Variants in ATP9B observed in about 807,000 individuals in gnomAD.
ATP9B encodes ATPase phospholipid transporting 9B, also known as probable phospholipid-transporting ATPase IIB.
Under a neutral mutation model 146.1 loss-of-function variants are expected in ATP9B, and 110 were observed. The ratio of observed to expected loss-of-function variants is 0.75; its 90% CI spans 0.65 to 0.88. The LOEUF is 0.88. Ranked by LOEUF, ATP9B falls within the 40% of genes least tolerant of loss-of-function variation. The probability of loss-of-function intolerance (pLI) is 0.00; values close to 1 mark genes in which losing one functional copy is unlikely to be tolerated. For missense variants in ATP9B, 1,499 were observed against 1,496.4 expected (o/e 1.00, Z -0.03); for synonymous variants, 604 against 569.7 (o/e 1.06, Z -0.86).
At chr18:79,085,811 C>G (rs1046104442) in intron 1 of ATP9B, 1 of 152,104 alleles carries the variant, frequency 6.6e-6, no homozygotes, top group African/African-American at 2.4e-5. Flanking sequence ...CTGAAAGATA[C>G]TAATGTTAAG....
At chr18:79,203,534 T>C (rs1331196244) in intron 9 of ATP9B, among the ~76,000 whole-genome samples, 2 of 152,196 alleles carry the variant, frequency 1.3e-5, no homozygotes, top group Non-Finnish European at 2.9e-5. Context: ...AAAAAGAATT[T>C]CATGAGTGTT....
intron 12 of ATP9B, among the ~76,000 whole-genome samples, chr18:79,257,058 C>T (rs1056435503): frequency 1.3e-5 from 2 of 152,098 alleles, no homozygotes; most frequent in Admixed American, 6.5e-5. Context: ...CTAGTACTTT[C>T]GGAGGCTGAG....
intron 11 of ATP9B, among the ~76,000 whole-genome samples, chr18:79,243,830 A>T (rs941347663): frequency 2.0e-5 from 3 of 152,202 alleles, no homozygotes; most frequent in Admixed American, 6.5e-5. Context: ...CTCACATAAA[A>T]ATGTTTTTCA....
intron 1 of ATP9B, among the ~76,000 whole-genome samples, chr18:79,089,593 A>G (rs1225890087): frequency 6.6e-6 from 1 of 151,790 alleles, no homozygotes; most frequent in East Asian, 1.9e-4. Flanking sequence ...CCTCTCCCTC[A>G]CTTCCAGTCT....
chr18:79,336,643 C>A lies in ATP9B; in HGVS notation c.2044C>A (p.Arg682Ser), dbSNP rs202230287. Residue 682 changes from arginine to serine, a missense_variant, in exon 18 of 30, where the codon CGC becomes AGC. Physicochemically the swap from Arg to Ser is moderately radical, Grantham distance 110. Coordinates refer to ENST00000426216, the MANE Select transcript of ATP9B (RefSeq NM_198531.5). ...WLEEECGNMA[R>S]EGLRTLVVAK... ...CCTTTTCCAGTGCGGAAACATGGCTCGCGAAGGACTGCGGACCCTCGTGGT... is the reference window on the plus strand; with the variant it reads ...CCTTTTCCAGTGCGGAAACATGGCTAGCGAAGGACTGCGGACCCTCGTGGT... 3.1e-6 allele frequency: 5 copies of A among 1,611,570 alleles called. No homozygotes were observed. Among genetic ancestry groups the A allele is most frequent in the Non-Finnish European group, 4.2e-6 (5 of 1,179,028 alleles).
chr18:79,341,831 G>A (rs945220534), intron 19 of ATP9B, among the ~76,000 whole-genome samples: 19 of 152,178 alleles, frequency 1.2e-4, no homozygotes, highest in Admixed American at 4.6e-4. Flanking sequence ...TGAAGTTTGC[G>A]TTGCCGATTC....
intron 13 of ATP9B, 78 bp downstream of exon 13, chr18:79,277,274 T>G: frequency 6.5e-7 from 1 of 1,536,494 alleles, no homozygotes; most frequent in South Asian, 1.1e-5. Context: ...TATAGATATA[T>G]GTTTATGTGT....
chr18:79,282,092 G>A (rs1266753883), intron 13 of ATP9B, among the ~76,000 whole-genome samples: 1 of 152,208 alleles, frequency 6.6e-6, no homozygotes, highest in African/African-American at 2.4e-5. Flanking sequence ...TAGGAGTGGA[G>A]CCTGAAGATG....
chr18:79,231,803 T>TATATATATATATATATACACACAC (rs569726473), intron 11 of ATP9B, among the ~76,000 whole-genome samples: 19 of 114,744 alleles, frequency 1.7e-4, no homozygotes, highest in African/African-American at 6.4e-4. Context: ...TATATATATA[T>TATATATATATATATATACACACAC]ACACACACAC....
intron 1 of ATP9B, among the ~76,000 whole-genome samples, chr18:79,086,703 G>A (rs1376860788): frequency 2.6e-5 from 4 of 152,002 alleles, no homozygotes; most frequent in African/African-American, 9.7e-5. Flanking sequence ...CTCAATTTAT[G>A]TATAGCAGTG....
intron 12 of ATP9B, among the ~76,000 whole-genome samples, chr18:79,272,981 A>G (rs1385317078): frequency 6.6e-6 from 1 of 152,204 alleles, no homozygotes; most frequent in African/African-American, 2.4e-5. Context: ...TTGAACTGGC[A>G]GGAGTTCTTG....
intron 12 of ATP9B, among the ~76,000 whole-genome samples, chr18:79,265,526 T>C (rs2096194129): frequency 6.6e-6 from 1 of 152,226 alleles, no homozygotes; most frequent in African/African-American, 2.4e-5. Flanking sequence ...TTGCCTACTT[T>C]TTAGTGGGGT....
chr18:79,374,965 A>G (rs976730035), intron 28 of ATP9B, among the ~76,000 whole-genome samples: 8 of 152,234 alleles, frequency 5.3e-5, no homozygotes, highest in African/African-American at 1.9e-4. Context: ...CAGCTTTTGC[A>G]TCTGCAAACT....
intron 11 of ATP9B, among the ~76,000 whole-genome samples, chr18:79,242,873 C>G (rs138465109): frequency 1.4e-3 from 217 of 152,246 alleles, no homozygotes; most frequent in Non-Finnish European, 2.7e-3. Context: ...TAATAAACCT[C>G]TTAGACAGTT....
In ATP9B at chr18:79,349,894, ACC is replaced by A. The variant is rs33953089; in HGVS notation, c.2903+1708_2903+1709del. Reference sequence around the variant, plus strand: ...TCCTTGCTTCCCTGGGAGGCCCCGCACCCCCCCCCCCACCATGCACCTTCACA... The same window carrying A: ...TCCTTGCTTCCCTGGGAGGCCCCGCACCCCCCCCCACCATGCACCTTCACA... On this transcript the variant is annotated intron_variant, in intron 25 of 29. Transcript: ENST00000426216. Among the ~76,000 whole-genome samples, 1,099 of 114,746 alleles carry A rather than the reference ACC, an allele frequency of 9.6e-3. 20 individuals are homozygous for A. The highest frequency in any genetic ancestry group is 0.031 in the African/African-American group (1,000 of 31,768). The allele number at this position is 114,746 out of a possible 152,430, so 75.3% of individuals were successfully genotyped here.
chr18:79,185,156 A>AGGT (rs1045531457), intron 8 of ATP9B, among the ~76,000 whole-genome samples: 2 of 151,850 alleles, frequency 1.3e-5, no homozygotes, highest in African/African-American at 4.8e-5. Flanking sequence ...CAGTATCTTG[A>AGGT]GGTGGTGGTG....
chr18:79,249,031 C>G (rs2095997148), intron 11 of ATP9B, among the ~76,000 whole-genome samples: 1 of 150,956 alleles, frequency 6.6e-6, no homozygotes, highest in Non-Finnish European at 1.5e-5. Flanking sequence ...TGAAGTGTTG[C>G]TGTGTCATGG....
intron 5 of ATP9B, among the ~76,000 whole-genome samples, chr18:79,130,198 C>T (rs2094354341): frequency 6.6e-6 from 1 of 152,112 alleles, no homozygotes. Flanking sequence ...TGTGCCAGGG[C>T]GCTCAAGGAA....
intron 11 of ATP9B, among the ~76,000 whole-genome samples, chr18:79,240,016 C>T (rs565847023): frequency 3.9e-5 from 6 of 152,330 alleles, no homozygotes; most frequent in Non-Finnish European, 5.9e-5. Context: ...AGCTTGCCTG[C>T]GCTCTCTGGA....
Sources: allele counts gnomAD v4.1 joint callset (sites outside exome capture counted in the v4.1 genomes callset), GRCh38; gene constraint gnomAD v4.1.1; transcripts MANE v1.5; gene names NCBI Gene and HGNC (gene_info 2026-07-23, HGNC 2026-07-21).